EYS: variants seen among roughly 807,000 people sequenced by gnomAD.
EYS encodes EGF-like photoreceptor maintenance factor, also known as protein eyes shut homolog.
EYS carries 250 observed loss-of-function variants against 282.1 expected under a neutral mutation model. The observed-to-expected ratio is 0.89, with a 90% CI of 0.80 to 0.98. The LOEUF (loss-of-function observed/expected upper bound fraction) is 0.98. Among genes scored for constraint, EYS ranks in the 50% least tolerant of loss-of-function variants. The pLI, the probability that EYS is intolerant of heterozygous loss-of-function variation, is 0.00. For missense variants in EYS, 4,016 were observed against 3,709.0 expected, an observed-to-expected ratio of 1.08 and a Z score of -2.15; for synonymous variants, 1,355 against 1,282.9, an observed-to-expected ratio of 1.06 and a Z score of -1.20.
intron 1 of EYS, among the ~76,000 whole-genome samples, chr6:65,642,480 G>A (rs1767308726): frequency 6.6e-6 from 1 of 152,108 alleles, no homozygotes; most frequent in African/African-American, 2.4e-5. Flanking sequence ...GATTACTGAA[G>A]CCTCCAGACT....
intron 5 of EYS, among the ~76,000 whole-genome samples, chr6:65,415,408 A>G (rs1400523854): frequency 6.6e-6 from 1 of 152,088 alleles, no homozygotes; most frequent in Admixed American, 6.6e-5. Context: ...TCTGAGTTGT[A>G]TGAAGTACAG....
rs1235925346 is a variant in EYS, at chr6:64,933,324, G to A, written c.2381+12469C>T. 3.9e-4 allele frequency among the ~76,000 whole-genome samples: 60 copies of A among 151,952 alleles called. 3 individuals carry two copies. The highest frequency in any genetic ancestry group is 3.9e-3 in the Admixed American group (60 of 15,238). On this transcript the variant is annotated intron_variant, in intron 15 of 42. Coordinates refer to ENST00000503581, the MANE Select transcript of EYS (RefSeq NM_001142800.2). ...CAACGTCATCAAAAAGTGGGCAAAG[G>A]ATAGGAACAGATACTTCTCAAAAGG...
At chr6:64,235,454 G>GTA (rs1766569285) in intron 30 of EYS, among the ~76,000 whole-genome samples, 1 of 152,118 alleles carries the variant, frequency 6.6e-6, no homozygotes, top group East Asian at 1.9e-4. Context: ...ATGCCATGGT[G>GTA]TATATGTGCC....
rs533567395 is a variant in EYS, at chr6:65,673,553, C to A, written c.-448+33582G>T. On this transcript the variant is annotated intron_variant, in intron 1 of 42. Coordinates refer to ENST00000503581, the MANE Select transcript of EYS (RefSeq NM_001142800.2). ...GGGGTTCAGCGTAAGTTTTTGGGCT[C>A]TATCCTTGTCAGAGTTCTCCTTTTT... Among the ~76,000 whole-genome samples, 14 of 152,164 alleles carry A rather than the reference C, an allele frequency of 9.2e-5. No individual in the cohort carries two copies. The South Asian group carries it at 2.5e-3, about 27-fold the overall frequency.
rs562580912 is a variant in EYS, at chr6:64,322,667, A to G, written c.6079-15585T>C. 1.7e-3 allele frequency among the ~76,000 whole-genome samples: 259 copies of G among 152,210 alleles called. 3 individuals carry two copies. In the South Asian group the frequency reaches 0.021, roughly 12 times the overall value. On this transcript the variant is annotated intron_variant, in intron 29 of 42. Coordinates refer to ENST00000503581, the MANE Select transcript of EYS (RefSeq NM_001142800.2). ...AAGTATTGAAACTCAGGGGCAAATA[A>G]TCATTTTCTCTGGAGGATTGGAATG...
At chr6:65,313,491 C>A (rs140526986) in intron 11 of EYS, among the ~76,000 whole-genome samples, 2 of 151,318 alleles carry the variant, frequency 1.3e-5, no homozygotes, top group African/African-American at 4.9e-5. Flanking sequence ...CCTCCAAATA[C>A]GGTCTTTCTG....
chr6:65,194,745 A>G (rs1167757006), intron 12 of EYS, among the ~76,000 whole-genome samples: 2 of 151,998 alleles, frequency 1.3e-5, no homozygotes, highest in Non-Finnish European at 2.9e-5. Context: ...GAAAAGATCC[A>G]GACCCAGGGA....
At chr6:65,453,824 G>A (rs1197395608) in intron 5 of EYS, among the ~76,000 whole-genome samples, 6 of 151,878 alleles carry the variant, frequency 4.0e-5, no homozygotes, top group African/African-American at 1.2e-4. Context: ...ATGATGTCCT[G>A]CAGGTTCATT....
intron 5 of EYS, chr6:65,489,567 GT>G (rs1765949600): frequency 6.6e-6 from 1 of 152,188 alleles, no homozygotes; most frequent in African/African-American, 2.4e-5. Flanking sequence ...AGACAGTATG[GT>G]GATTCCTCAA....
intron 26 of EYS, among the ~76,000 whole-genome samples, chr6:64,516,576 A>T (rs1212236295): frequency 6.6e-6 from 1 of 150,836 alleles, no homozygotes; most frequent in Non-Finnish European, 1.5e-5. Flanking sequence ...TACATACTTC[A>T]CTTGAAGTTG....
At chr6:65,086,269 T>A (rs1421362720) in intron 12 of EYS, among the ~76,000 whole-genome samples, 1 of 152,010 alleles carries the variant, frequency 6.6e-6, no homozygotes, top group African/African-American at 2.4e-5. Context: ...TGAGCCGAGA[T>A]TGTGCCATTG....
At chr6:65,507,151 G>C (rs1766690453) in intron 2 of EYS, among the ~76,000 whole-genome samples, 2 of 151,420 alleles carry the variant, frequency 1.3e-5, no homozygotes, top group Non-Finnish European at 2.9e-5. Context: ...GTTAGTCTGA[G>C]AAAGTTTTTA....
At chr6:64,290,369 G>A (rs1768658863) in intron 30 of EYS, among the ~76,000 whole-genome samples, 2 of 152,232 alleles carry the variant, frequency 1.3e-5, no homozygotes, top group South Asian at 4.1e-4. Context: ...GAATGGAACA[G>A]TAGTGAGATG....
At chr6:63,992,897 A>C (rs903287941) in intron 34 of EYS, among the ~76,000 whole-genome samples, 1 of 151,762 alleles carries the variant, frequency 6.6e-6, no homozygotes, top group Admixed American at 6.6e-5. Context: ...GTCAAGGGAA[A>C]GACCAGATCA....
At chr6:65,319,470 A>G (rs1179080616) in intron 11 of EYS, among the ~76,000 whole-genome samples, 1 of 151,962 alleles carries the variant, frequency 6.6e-6, no homozygotes, top group Non-Finnish European at 1.5e-5. Context: ...GAAAGTCTTC[A>G]GTTTTCCATA....
At chr6:64,646,772 TCCAGCTCTGGCGA>T (rs1421262439) in intron 22 of EYS, among the ~76,000 whole-genome samples, 1 of 149,684 alleles carries the variant, frequency 6.7e-6, no homozygotes, top group East Asian at 2.0e-4. Flanking sequence ...GCCACTGCAC[TCCAGCTCTGGCGA>T]CAGAGCGAGA....
intron 1 of EYS, among the ~76,000 whole-genome samples, chr6:65,674,489 A>G (rs1411302961): frequency 6.6e-6 from 1 of 151,182 alleles, no homozygotes; most frequent in African/African-American, 2.4e-5. Flanking sequence ...CAGCACAATA[A>G]AAGTGATTCA....
chr6:64,850,994 T>C (rs986940863), intron 19 of EYS, among the ~76,000 whole-genome samples: 1 of 152,244 alleles, frequency 6.6e-6, no homozygotes, highest in South Asian at 2.1e-4. Flanking sequence ...CTGTTTTAAG[T>C]TCAAAGCCCA....
intron 1 of EYS, among the ~76,000 whole-genome samples, chr6:65,671,303 G>C (rs1768383777): frequency 6.6e-6 from 1 of 151,974 alleles, no homozygotes; most frequent in Non-Finnish European, 1.5e-5. Context: ...TGAAAACAAA[G>C]AGATGTACTT....
Sources: gnomAD v4.1 joint callset for allele counts (sites outside exome capture counted in the v4.1 genomes callset) on GRCh38, gnomAD v4.1.1 for gene constraint, MANE v1.5 for transcripts, NCBI Gene and HGNC (gene_info 2026-07-23, HGNC 2026-07-21) for gene names.